ELFN2: variants seen among roughly 807,000 people sequenced by gnomAD.
The protein encoded by ELFN2 is protein phosphatase 1 regulatory subunit 29.
A neutral mutation model predicts 45.5 loss-of-function variants in ELFN2; 17 were observed. The ratio of observed to expected loss-of-function variants is 0.37; its 90% CI spans 0.26 to 0.56. ELFN2 has a LOEUF of 0.56. Among genes scored for constraint, ELFN2 ranks in the 20% least tolerant of loss-of-function variants. The probability of loss-of-function intolerance (pLI) is 0.77; values close to 1 mark genes in which losing one functional copy is unlikely to be tolerated. For missense variants in ELFN2, 922 were observed against 1,183.2 expected (o/e 0.78, Z 3.24); for synonymous variants, 550 against 551.5 (o/e 1.00, Z 0.04).
chr22:37,375,746 G>A lies in ELFN2; in HGVS notation c.-212C>T, dbSNP rs774969225. On this transcript the variant is annotated 5_prime_UTR_variant, in exon 3 of 3. Transcript: ENST00000402918. ...GCACTAGGCCTGGCTAGGGCTGGGG[G>A]TGGGGGCCCCACAGCCTGCTCCCCA... 1 of 621,744 alleles carries A rather than the reference G, an allele frequency of 1.6e-6. No individual in the cohort carries two copies. Among genetic ancestry groups the A allele is most frequent in the Non-Finnish European group, 2.8e-6 (1 of 359,208 alleles). The allele number at this position is 621,744 out of a possible 1,614,324, so 38.5% of individuals were successfully genotyped here.
intron 1 of ELFN2, among the ~76,000 whole-genome samples, chr22:37,361,410 T>G (rs1445279367): frequency 6.9e-6 from 1 of 144,880 alleles, no homozygotes; most frequent in East Asian, 2.1e-4. Context: ...GAGAAGTTCC[T>G]GCCAGCCCCA....
Position 37,373,660 on chromosome 22 carries a change from G to A in ELFN2, c.1875C>T (p.Thr625=). Residue 625 remains threonine, a synonymous_variant, in exon 3 of 3, where the codon ACC becomes ACT. Transcript: ENST00000402918. ...QRQLSADAAV[T]RKTCSVSSSG... ...TGGACGACACGCTGCAGGTCTTGCG[G>A]GTCACGGCCGCGTCGGCGCTCAGCT... 3 of 1,580,658 alleles carry A rather than the reference G, an allele frequency of 1.9e-6. No individual in the cohort carries two copies. Among genetic ancestry groups the A allele is most frequent in the Non-Finnish European group, 2.6e-6 (3 of 1,164,942 alleles).
rs116772396 is a variant in ELFN2 at position 37,341,360 on chromosome 22, C to A, written n.252-391G>T. On this transcript the variant is annotated intron_variant and non_coding_transcript_variant, in intron 2 of 2. Coordinates refer to ENST00000452946, the Ensembl canonical transcript of ELFN2. ...TCCTCTCCCCTTGCCTATCTCAGGCCCTCCTGTGCAGCTGTGGAGGACGGA... is the reference window on the plus strand; with the variant it reads ...TCCTCTCCCCTTGCCTATCTCAGGCACTCCTGTGCAGCTGTGGAGGACGGA... Among the ~76,000 whole-genome samples the A allele has an allele frequency of 2.5e-3, 386 of 152,308 alleles. 1 individual carries two copies. The highest frequency in any genetic ancestry group is 8.9e-3 in the African/African-American group (371 of 41,544).
intron 1 of ELFN2, among the ~76,000 whole-genome samples, chr22:37,359,117 G>GGA (rs1931019051): frequency 6.6e-6 from 1 of 152,204 alleles, no homozygotes; most frequent in African/African-American, 2.4e-5. Context: ...CTCCGTGACT[G>GGA]TCTCCAGCTG....
chr22:37,373,047 A>G lies in ELFN2; in HGVS notation c.*25T>C. 6 of 1,564,768 alleles carry G rather than the reference A, an allele frequency of 3.8e-6. No homozygotes were observed. The highest frequency in any genetic ancestry group is 5.2e-6 in the Non-Finnish European group (6 of 1,151,750). ...AAAGGCCCCCAGCCCTCTGGCTCCG[A>G]CCTCACCAGGGAGGAAGGGGGGGGT... On this transcript the variant is annotated 3_prime_UTR_variant, in exon 3 of 3. Coordinates refer to ENST00000402918, the MANE Select transcript of ELFN2 (RefSeq NM_052906.5).
chr22:37,353,931 G>C (rs1930884715), intron 1 of ELFN2: 1 of 152,032 alleles, frequency 6.6e-6, no homozygotes, highest in South Asian at 2.1e-4. Flanking sequence ...ACAGGAGTGA[G>C]TACATATGCC....
At chr22:37,376,400 G>A (rs1317727555) in intron 2 of ELFN2, among the ~76,000 whole-genome samples, 1 of 119,194 alleles carries the variant, frequency 8.4e-6, no homozygotes, top group African/African-American at 3.3e-5. Context: ...CACGCAGACA[G>A]CTACACACAC....
intron 2 of ELFN2, among the ~76,000 whole-genome samples, chr22:37,411,954 G>A (rs910651082): frequency 1.3e-5 from 2 of 151,860 alleles, no homozygotes; most frequent in African/African-American, 2.4e-5. Flanking sequence ...ACCACTCCCA[G>A]CCCTCAGGGA....
intron 2 of ELFN2, among the ~76,000 whole-genome samples, chr22:37,382,043 T>C (rs1931797746): frequency 6.9e-6 from 1 of 145,724 alleles, no homozygotes; most frequent in African/African-American, 2.5e-5. Flanking sequence ...GTGCTCATGA[T>C]GGGGCACAAA....
At position 37,374,646 on chromosome 22, in the gene ELFN2, G is replaced by A. The variant is rs1931509171; in HGVS notation, c.889C>T (p.Pro297Ser). The change falls in exon 3 of 3, where the codon CCA (proline) becomes TCA (serine). Residue 297 changes from proline (P) to serine (S), a missense_variant. Physicochemically the swap from Pro to Ser is moderately conservative, Grantham distance 74. Coordinates refer to ENST00000402918, the MANE Select transcript of ELFN2 (RefSeq NM_052906.5). ...ASSTTDASAGPAIKLHHVTFT... is the reference protein window; with the variant it reads ...ASSTTDASAGSAIKLHHVTFT... ...GTGACGTGGTGCAGCTTGATGGCTG[G>A]CCCTGCCGACGCATCCGTGGTGGAC... 6.2e-7 allele frequency: 1 copy of A among 1,613,618 alleles called. No individual in the cohort carries two copies. Among genetic ancestry groups the A allele is most frequent in the Non-Finnish European group, 8.5e-7 (1 of 1,179,564 alleles).
At position 37,373,430 on chromosome 22, in the gene ELFN2, G is replaced by A. The variant is rs368547931; in HGVS notation, c.2105C>T (p.Ala702Val). The A allele has an allele frequency of 1.3e-6, 2 of 1,558,298 alleles. No homozygotes were observed. Among genetic ancestry groups the A allele is most frequent in the African/African-American group, 1.4e-5 (1 of 73,706 alleles). The stretch of plus-strand genomic sequence containing the variant: ...GTGCCGGTGCTCGCTGCAGTGGTAG[G>A]CCGGCTTCACCTCCAGGTGGTGGAT... ...GGIHHLEVKP[A>V]YHCSEHRHSF... The change falls in exon 3 of 3, where the codon GCC becomes GTC. Residue 702 changes from alanine (A) to valine (V), a missense_variant. Ala to Val is a moderately conservative substitution (Grantham distance 64). Around this residue, in one of 2 missense-constraint regions of ELFN2, gnomAD observed 564 missense variants for 642.8 expected, o/e 0.88. Transcript: ENST00000402918.
chr22:37,422,250 G>T (rs962704610), intron 1 of ELFN2, among the ~76,000 whole-genome samples: 2 of 152,114 alleles, frequency 1.3e-5, no homozygotes. Context: ...AGGAATGAAC[G>T]GAGGGGGCAG....
Position 37,374,206 on chromosome 22 carries a change from G to T in ELFN2, c.1329C>A (p.Tyr443Ter). ...NVKKTILEMR[Y>*]GADVDAGSIV... ...TGGAGCCGGCATCCACATCAGCCCC[G>T]TAGCGCATCTCCAGGATGGTCTTCT... Residue 443 changes from tyrosine (Y) to a stop codon, truncating the protein, a stop_gained, in exon 3 of 3, where the codon TAC becomes TAA. Coordinates refer to ENST00000402918, the MANE Select transcript of ELFN2 (RefSeq NM_052906.5). LOFTEE classifies it high-confidence loss of function. The T allele has an allele frequency of 6.2e-7, 1 of 1,613,772 alleles. No individual in the cohort carries two copies. The highest frequency in any genetic ancestry group is 8.5e-7 in the Non-Finnish European group (1 of 1,180,034).
chr22:37,403,960 A>G (rs6000718), intron 2 of ELFN2, among the ~76,000 whole-genome samples: 58,478 of 152,154 alleles, frequency 0.38, 14,363 homozygotes, highest in African/African-American at 0.7. Context: ...CGTCCCCAGC[A>G]CAAGGACACC....
At chr22:37,381,955 CAAAAAAAAAAAAAAAAA>C (rs1159476533) in intron 2 of ELFN2, among the ~76,000 whole-genome samples, 48 of 59,238 alleles carry the variant, frequency 8.1e-4, no homozygotes, top group South Asian at 4.1e-3. Context: ...GACTCCGTCT[CAAAAAAAAAAAAAAAAA>C]AAAAAAAAAA....
chr22:37,413,385 G>A (rs1300538196), intron 2 of ELFN2, among the ~76,000 whole-genome samples: 2 of 149,178 alleles, frequency 1.3e-5, no homozygotes, highest in East Asian at 1.9e-4. Context: ...TGGGCAACAC[G>A]GTGAGATCCC....
At chr22:37,386,144 T>C (rs1036330439) in intron 2 of ELFN2, among the ~76,000 whole-genome samples, 1 of 152,146 alleles carries the variant, frequency 6.6e-6, no homozygotes, top group African/African-American at 2.4e-5. Context: ...GGTTACCCTC[T>C]CCCAAACATT....
At chr22:37,397,238 C>A (rs1932236595) in intron 2 of ELFN2, among the ~76,000 whole-genome samples, 1 of 152,196 alleles carries the variant, frequency 6.6e-6, no homozygotes, top group South Asian at 2.1e-4. Context: ...GGCCAGGAAG[C>A]ACGGCGTGCC....
At chr22:37,349,182 G>T (rs1930765918) in intron 1 of ELFN2, among the ~76,000 whole-genome samples, 1 of 151,300 alleles carries the variant, frequency 6.6e-6, no homozygotes, top group Non-Finnish European at 1.5e-5. Flanking sequence ...CAGGAGGCCT[G>T]GGTGCAGATC....
Sources: allele counts gnomAD v4.1 joint callset (sites outside exome capture counted in the v4.1 genomes callset), GRCh38; gene constraint gnomAD v4.1.1; regional missense constraint gnomAD v4.1.1; transcripts MANE v1.5; gene names NCBI Gene and HGNC (gene_info 2026-07-23, HGNC 2026-07-21).